Variants in ADAM19 observed in about 807,000 individuals in gnomAD.
ADAM19 encodes ADAM metallopeptidase domain 19, also known as disintegrin and metalloproteinase domain-containing protein 19.
A neutral mutation model predicts 114.7 loss-of-function variants in ADAM19; 65 were observed. The ratio of observed to expected loss-of-function variants is 0.57; its 90% CI spans 0.46 to 0.70. The LOEUF is 0.70. ADAM19 is among the 30% of genes least tolerant of loss of function. The pLI, the probability that ADAM19 is intolerant of heterozygous loss-of-function variation, is 0.00. For synonymous variants in ADAM19, 466 were observed against 460.5 expected, an observed-to-expected ratio of 1.01 and a Z score of -0.15; for missense variants, 1,063 against 1,204.7, an observed-to-expected ratio of 0.88 and a Z score of 1.74.
chr5:157,567,724 G>A (rs1757702850), intron 2 of ADAM19, among the ~76,000 whole-genome samples: 1 of 151,944 alleles, frequency 6.6e-6, no homozygotes, highest in Non-Finnish European at 1.5e-5. Flanking sequence ...TTGAACCCAG[G>A]AGGCAGAGGT....
intron 13 of ADAM19, among the ~76,000 whole-genome samples, chr5:157,498,688 GTATATATATATATA>G (rs55867903): frequency 2.8e-5 from 4 of 143,862 alleles, no homozygotes; most frequent in Non-Finnish European, 6.1e-5. Flanking sequence ...ATGTGTGTAT[GTATATATATATATA>G]TATATATATG....
intron 21 of ADAM19, among the ~76,000 whole-genome samples, chr5:157,483,924 C>T (rs1454280324): frequency 1.3e-5 from 2 of 151,216 alleles, no homozygotes; most frequent in East Asian, 2.0e-4. Flanking sequence ...TGAGCCACCA[C>T]GCCCAGCCCT....
rs115717793 is a variant in ADAM19 at position 157,488,181 on chromosome 5, C to T, written c.2550+84G>A. On this transcript the variant is annotated intron_variant, in intron 21 of 22. Coordinates refer to ENST00000257527, the MANE Select transcript of ADAM19 (RefSeq NM_033274.5). ...AGTCAGCTCATGACCCCACAAGTTT[C>T]ACCTTCCCCACCTTTGCCATTACCC... 4.0e-4 allele frequency: 565 copies of T among 1,397,294 alleles called. 1 individual carries two copies. The African/African-American group carries it at 7.2e-3, about 18-fold the overall frequency. The allele number at this position is 1,397,294 out of a possible 1,614,324, so 86.6% of individuals were successfully genotyped here. A position where few individuals can be genotyped will look rare whatever the true frequency, so the allele number is the denominator to read the frequency against.
At position 157,485,651 on chromosome 5, in the gene ADAM19, C is replaced by T. The variant is rs569693114; in HGVS notation, c.2550+2614G>A. ...CTCCTTGGGACCCAAGCACACAAAC[C>T]TTTAAGTTCCTTCAATCCACAGGGC... On this transcript the variant is annotated intron_variant, in intron 21 of 22. Transcript: ENST00000257527. Among the ~76,000 whole-genome samples the T allele has an allele frequency of 5.3e-5, 8 of 152,328 alleles. No individual in the cohort carries two copies. In the South Asian group the frequency reaches 1.7e-3, roughly 32 times the overall value.
At chr5:157,572,089 T>A (rs1306239747) in intron 1 of ADAM19, among the ~76,000 whole-genome samples, 1 of 112,144 alleles carries the variant, frequency 8.9e-6, no homozygotes, top group African/African-American at 3.3e-5. Flanking sequence ...AGGAGTCCTG[T>A]TTTTTTTTTC....
intron 9 of ADAM19, among the ~76,000 whole-genome samples, chr5:157,508,344 C>T (rs894863044): frequency 6.6e-6 from 1 of 152,244 alleles, no homozygotes; most frequent in Non-Finnish European, 1.5e-5. Flanking sequence ...ATGTGTGGCT[C>T]ACGCCTATAA....
chr5:157,501,480 T>G (rs1383639911), intron 12 of ADAM19, among the ~76,000 whole-genome samples: 1 of 152,222 alleles, frequency 6.6e-6, no homozygotes, highest in East Asian at 1.9e-4. Flanking sequence ...ACTATGTCAT[T>G]TTTGCCACTC....
rs1402342722 is a variant in ADAM19 at position 157,537,821 on chromosome 5, A to G, written c.330+92T>C. 7.6e-6 allele frequency: 9 copies of G among 1,177,526 alleles called. No individual in the cohort carries two copies. The East Asian group carries it at 9.5e-5, about 12-fold the overall frequency. 72.9% of individuals were successfully genotyped at this position (1,177,526 alleles called of 1,614,324 possible). The stretch of plus-strand genomic sequence containing the variant: ...TTGGGGGAAACACTCCCTTCAGAGG[A>G]GAGACCAACTCCATCAGGCATCTCC... On this transcript the variant is annotated intron_variant, in intron 4 of 22. Transcript: ENST00000257527.
At chr5:157,495,585 T>G (rs990421605) in intron 14 of ADAM19, among the ~76,000 whole-genome samples, 1 of 152,222 alleles carries the variant, frequency 6.6e-6, no homozygotes, top group African/African-American at 2.4e-5. Flanking sequence ...GGTATAATTC[T>G]GTGTGTATCT....
At chr5:157,508,581 C>CA (rs1347723164) in intron 9 of ADAM19, among the ~76,000 whole-genome samples, 1 of 149,954 alleles carries the variant, frequency 6.7e-6, no homozygotes, top group African/African-American at 2.5e-5. Context: ...GCCTAGGTGA[C>CA]AGACGGAAAC....
intron 6 of ADAM19, among the ~76,000 whole-genome samples, chr5:157,519,247 A>G (rs938273818): frequency 6.6e-6 from 1 of 152,262 alleles, no homozygotes; most frequent in Non-Finnish European, 1.5e-5. Flanking sequence ...TTTCAGTATG[A>G]ATCAATATGA....
chr5:157,499,521 G>A, intron 13 of ADAM19, 52 bp downstream of exon 13: 3 of 1,486,914 alleles, frequency 2.0e-6, no homozygotes, highest in Non-Finnish European at 2.8e-6. Context: ...GAGCAGTCCT[G>A]TGGTCCCACT....
chr5:157,504,471 G>A (rs1229875510), intron 11 of ADAM19, among the ~76,000 whole-genome samples: 1 of 152,060 alleles, frequency 6.6e-6, no homozygotes, highest in Non-Finnish European at 1.5e-5. Flanking sequence ...GGCTGGTCTC[G>A]AACTCCTGAC....
At chr5:157,491,573 T>A (rs1755157831) in intron 18 of ADAM19, 42 bp downstream of exon 18, 4 of 1,385,046 alleles carry the variant, frequency 2.9e-6, no homozygotes, top group Non-Finnish European at 2.9e-6. Context: ...TGCCCGCTCT[T>A]CTCACAAAAG....
chr5:157,543,792 A>T (rs1472292624), intron 3 of ADAM19, among the ~76,000 whole-genome samples: 1 of 152,092 alleles, frequency 6.6e-6, no homozygotes, highest in African/African-American at 2.4e-5. Context: ...TATCAAGCAG[A>T]AATGGCAATG....
At chr5:157,520,069 A>G (rs1756233579) in intron 5 of ADAM19, 38 bp from the exon 6 acceptor site, 4 of 1,575,230 alleles carry the variant, frequency 2.5e-6, no homozygotes, top group South Asian at 1.2e-5. Flanking sequence ...GTCAAAGATT[A>G]TGGTTCTGAA....
chr5:157,491,897 G>A lies in ADAM19; in HGVS notation c.1924C>T (p.Gln642Ter). ...CGYNHICFEG[Q>*]CRNTSFFETE... Reference sequence around the variant, plus strand: ...TCAAAGAAGGAGGTGTTCCTGCACTGCCCCTCAAAGCAAATCTGCACGGAG... The same window carrying A: ...TCAAAGAAGGAGGTGTTCCTGCACTACCCCTCAAAGCAAATCTGCACGGAG... Residue 642 changes from glutamine (Q) to a stop codon, truncating the protein, a stop_gained, in exon 17 of 23, where the codon CAG becomes TAG. Coordinates refer to ENST00000257527, the MANE Select transcript of ADAM19 (RefSeq NM_033274.5). LOFTEE classifies it high-confidence loss of function. 1 of 1,614,174 alleles carries A rather than the reference G, an allele frequency of 6.2e-7. No homozygotes were observed. Among genetic ancestry groups the A allele is most frequent in the Non-Finnish European group, 8.5e-7 (1 of 1,180,026 alleles).
intron 14 of ADAM19, 31 bp downstream of exon 14, chr5:157,496,863 G>A (rs764617386): frequency 2.0e-5 from 30 of 1,507,854 alleles, no homozygotes; most frequent in Admixed American, 5.0e-5. Context: ...TGGTGGGCTG[G>A]GGAGAGCCGT....
intron 18 of ADAM19, among the ~76,000 whole-genome samples, chr5:157,491,074 A>G (rs1298366400): frequency 6.6e-6 from 1 of 152,096 alleles, no homozygotes; most frequent in Non-Finnish European, 1.5e-5. Context: ...TCAGTTTTAC[A>G]TATTGGGGTT....
Sources: gnomAD v4.1 joint callset for allele counts (sites outside exome capture counted in the v4.1 genomes callset) on GRCh38, gnomAD v4.1.1 for gene constraint, MANE v1.5 for transcripts, NCBI Gene and HGNC (gene_info 2026-07-23, HGNC 2026-07-21) for gene names.